TUSC3: variants seen among roughly 807,000 people sequenced by gnomAD.
The protein encoded by TUSC3 is dolichyl-diphosphooligosaccharide--protein glycosyltransferase subunit TUSC3.
Under a neutral mutation model 44.8 loss-of-function variants are expected in TUSC3, and 45 were observed. The ratio of observed to expected loss-of-function variants is 1.00; its 90% CI spans 0.79 to 1.29. The LOEUF (loss-of-function observed/expected upper bound fraction) is 1.29, where lower values mean the gene tolerates loss of function less well. Among genes scored for constraint, TUSC3 ranks in the 50% most tolerant of loss-of-function variants. TUSC3 has a pLI of 0.00. For synonymous variants in TUSC3, 212 were observed against 152.9 expected, an observed-to-expected ratio of 1.39 and a Z score of -2.85; for missense variants, 519 against 437.9, an observed-to-expected ratio of 1.19 and a Z score of -1.65.
rs1421007144 is a variant in TUSC3, at chr8:15,558,263, C to G, written c.138+17695C>G. Among the ~76,000 whole-genome samples the G allele has an allele frequency of 4.3e-5, 2 of 46,144 alleles. 1 individual carries two copies. Among genetic ancestry groups the G allele is most frequent in the African/African-American group, 1.1e-4 (2 of 18,732 alleles). 30.3% of individuals were successfully genotyped at this position (46,144 alleles called of 152,430 possible). On this transcript the variant is annotated intron_variant, in intron 1 of 10. Transcript: ENST00000503731. The stretch of plus-strand genomic sequence containing the variant: ...CTTTTTCTGCATCTCTTGAGATAAT[C>G]ATGTGGTTTTTGTCTTTGGCTCTGT...
intron 6 of TUSC3, among the ~76,000 whole-genome samples, chr8:15,680,233 A>G (rs756572548): frequency 6.6e-6 from 1 of 151,802 alleles, no homozygotes; most frequent in Non-Finnish European, 1.5e-5. Flanking sequence ...TTGGTTTTCC[A>G]TTTATTTGTG....
At chr8:15,826,403 G>A in the TUSC3 span, among the ~76,000 whole-genome samples, 1 of 152,118 alleles carries the variant, frequency 6.6e-6, no homozygotes, top group Non-Finnish European at 1.5e-5. Flanking sequence ...TGCCTTTTCA[G>A]TATGTTCTTT....
chr8:15,496,194 A>C (rs1800878199), intron 2 of TUSC3, among the ~76,000 whole-genome samples: 1 of 152,198 alleles, frequency 6.6e-6, no homozygotes, highest in Admixed American at 6.5e-5. Flanking sequence ...ACTGTAGCAC[A>C]AAATCATCTG....
intron 1 of TUSC3, among the ~76,000 whole-genome samples, chr8:15,590,822 C>T (rs928776144): frequency 6.6e-6 from 1 of 151,798 alleles, no homozygotes; most frequent in Non-Finnish European, 1.5e-5. Flanking sequence ...CAGGTGCACA[C>T]CACTGTGCCT....
intron 6 of TUSC3, among the ~76,000 whole-genome samples, chr8:15,714,609 A>G (rs921531199): frequency 2.6e-5 from 4 of 152,170 alleles, no homozygotes; most frequent in African/African-American, 9.6e-5. Context: ...TAATCCAGAT[A>G]TTTCAGTACT....
chr8:15,544,034 A>T (rs1223662123), intron 1 of TUSC3, among the ~76,000 whole-genome samples: 8 of 152,098 alleles, frequency 5.3e-5, no homozygotes, highest in Admixed American at 5.2e-4. Flanking sequence ...CTGTTGGAGA[A>T]TGTGGTTGAG....
intron 4 of TUSC3, among the ~76,000 whole-genome samples, chr8:15,661,684 A>G (rs1284126411): frequency 6.6e-6 from 1 of 151,994 alleles, no homozygotes; most frequent in African/African-American, 2.4e-5. Flanking sequence ...GTAAGTAGTA[A>G]AAGCTATACT....
At chr8:15,534,801 A>C (rs1399635391) in intron 2 of TUSC3, among the ~76,000 whole-genome samples, 1 of 152,218 alleles carries the variant, frequency 6.6e-6, no homozygotes. Context: ...CAAAAAAGGT[A>C]AAGTGACGTA....
intron 1 of TUSC3, among the ~76,000 whole-genome samples, chr8:15,586,967 A>C (rs947034583): frequency 6.6e-6 from 1 of 152,218 alleles, no homozygotes; most frequent in African/African-American, 2.4e-5. Flanking sequence ...ATGAATGCTA[A>C]AGTTTGAGAA....
chr8:15,453,934 T>C (rs948971984), intron 1 of TUSC3, among the ~76,000 whole-genome samples: 6 of 151,734 alleles, frequency 4.0e-5, no homozygotes, highest in African/African-American at 1.5e-4. Flanking sequence ...ATCTCAGGAG[T>C]TGGGCAAGTG....
chr8:15,713,134 GAAAT>G (rs1297332509), intron 6 of TUSC3, among the ~76,000 whole-genome samples: 1 of 152,138 alleles, frequency 6.6e-6, no homozygotes, highest in Admixed American at 6.6e-5. Flanking sequence ...GTAAAAGGTT[GAAAT>G]AATACATAAC....
chr8:15,797,201 T>A, the TUSC3 span, among the ~76,000 whole-genome samples: 2 of 152,226 alleles, frequency 1.3e-5, no homozygotes, highest in South Asian at 2.1e-4. Flanking sequence ...TTCAGTTCGC[T>A]GAACAGCTTT....
At chr8:15,466,906 C>G (rs1466972229) in intron 1 of TUSC3, among the ~76,000 whole-genome samples, 1 of 152,040 alleles carries the variant, frequency 6.6e-6, no homozygotes, top group African/African-American at 2.4e-5. Flanking sequence ...TTTCTTTCGT[C>G]CTTTTATGTA....
At chr8:15,427,866 T>C (rs1369242831) in intron 1 of TUSC3, among the ~76,000 whole-genome samples, 1 of 152,184 alleles carries the variant, frequency 6.6e-6, no homozygotes, top group Non-Finnish European at 1.5e-5. Context: ...TTTCTTCTGG[T>C]AGTTGTACAG....
intron 2 of TUSC3, among the ~76,000 whole-genome samples, chr8:15,646,438 G>C (rs1459134823): frequency 1.2e-4 from 19 of 152,040 alleles, no homozygotes; most frequent in Admixed American, 1.2e-3. Flanking sequence ...ATTGGTTATT[G>C]GGACATTAAA....
chr8:15,721,755 ATTAC>A (rs557556238), intron 6 of TUSC3, among the ~76,000 whole-genome samples: 6 of 152,190 alleles, frequency 3.9e-5, no homozygotes, highest in African/African-American at 1.4e-4. Context: ...AATTACTAAA[ATTAC>A]TTAAGCAGTT....
chr8:15,523,040 G>C (rs4831739), intron 2 of TUSC3, among the ~76,000 whole-genome samples: 8,657 of 152,208 alleles, frequency 0.057, 285 homozygotes, highest in Middle Eastern at 0.11. Context: ...AACTATACCA[G>C]CTCCAGCACC....
chr8:15,460,107 C>G (rs900484093), intron 1 of TUSC3, among the ~76,000 whole-genome samples: 19 of 152,288 alleles, frequency 1.2e-4, no homozygotes, highest in African/African-American at 4.3e-4. Context: ...TTTAAGGAAT[C>G]TCCACACTGT....
At chr8:15,637,407 C>G (rs892260867) in intron 2 of TUSC3, among the ~76,000 whole-genome samples, 11 of 152,106 alleles carry the variant, frequency 7.2e-5, no homozygotes, top group Non-Finnish European at 1.3e-4. Context: ...CTGAGTCTTA[C>G]TAACTGTGAT....
Sources: allele counts gnomAD v4.1 joint callset (sites outside exome capture counted in the v4.1 genomes callset), GRCh38; gene constraint gnomAD v4.1.1; transcripts MANE v1.5; gene names NCBI Gene and HGNC (gene_info 2026-07-23, HGNC 2026-07-21).